The following SLC8A3 variants were observed in gnomAD, a reference collection of about 807,000 sequenced individuals.
SLC8A3 encodes sodium/calcium exchanger 3.
In SLC8A3, 37 loss-of-function variants were observed where a neutral mutation model predicts 65.4. That is an observed-to-expected ratio of 0.57 (90% confidence interval 0.44 to 0.74). SLC8A3 has a LOEUF of 0.74. Among genes scored for constraint, SLC8A3 ranks in the 30% least tolerant of loss-of-function variants. SLC8A3 has a pLI of 0.00. For missense variants in SLC8A3, 1,112 were observed against 1,172.1 expected, an observed-to-expected ratio of 0.95 and a Z score of 0.75; for synonymous variants, 461 against 444.5, an observed-to-expected ratio of 1.04 and a Z score of -0.47.
At chr14:70,150,660 C>T (rs563288140) in intron 2 of SLC8A3, among the ~76,000 whole-genome samples, 1 of 152,264 alleles carries the variant, frequency 6.6e-6, no homozygotes, top group South Asian at 2.1e-4. Context: ...TTCAGCTGTG[C>T]CCCAGCCAGG....
At chr14:70,127,415 G>A (rs1396490957) in intron 2 of SLC8A3, among the ~76,000 whole-genome samples, 1 of 152,180 alleles carries the variant, frequency 6.6e-6, no homozygotes, top group African/African-American at 2.4e-5. Context: ...TTTATTGACG[G>A]TTTTGTAGAC....
chr14:70,135,195 A>G (rs1895107756), intron 2 of SLC8A3, among the ~76,000 whole-genome samples: 1 of 152,258 alleles, frequency 6.6e-6, no homozygotes, highest in African/African-American at 2.4e-5. Context: ...GTGATATATC[A>G]TCTTACCCCA....
chr14:70,048,366 T>C (rs1007923678), intron 6 of SLC8A3: 14 of 484,502 alleles, frequency 2.9e-5, no homozygotes, highest in African/African-American at 2.7e-4. Flanking sequence ...TCTTTTAATT[T>C]CACTGTTTGT....
intron 2 of SLC8A3, among the ~76,000 whole-genome samples, chr14:70,077,777 G>A (rs61977420): frequency 0.11 from 16,794 of 152,212 alleles, 943 homozygotes; most frequent in African/African-American, 0.14. Context: ...CTCTGCCCTC[G>A]CTTCAGTGAA....
chr14:70,179,954 C>T (rs190515341), intron 1 of SLC8A3, among the ~76,000 whole-genome samples: 83 of 152,296 alleles, frequency 5.4e-4, no homozygotes, highest in East Asian at 2.5e-3. Context: ...CTCCTTTCAG[C>T]AGGCTGAAGG....
intron 2 of SLC8A3, among the ~76,000 whole-genome samples, chr14:70,135,139 A>T (rs1895102189): frequency 6.6e-6 from 1 of 152,242 alleles, no homozygotes; most frequent in Non-Finnish European, 1.5e-5. Context: ...ATATAAAAAA[A>T]TGCTCAACAT....
intron 2 of SLC8A3, among the ~76,000 whole-genome samples, chr14:70,138,578 C>T (rs1274942283): frequency 6.6e-6 from 1 of 152,198 alleles, no homozygotes; most frequent in Non-Finnish European, 1.5e-5. Flanking sequence ...CTATAAGTTC[C>T]TGGAAGGTGT....
intron 2 of SLC8A3, among the ~76,000 whole-genome samples, chr14:70,152,457 C>T (rs1305916493): frequency 6.6e-6 from 1 of 151,904 alleles, no homozygotes; most frequent in Non-Finnish European, 1.5e-5. Flanking sequence ...AATCTTATAC[C>T]CTCTCCCCAC....
intron 2 of SLC8A3, among the ~76,000 whole-genome samples, chr14:70,061,435 C>T (rs1489861129): frequency 2.0e-5 from 3 of 151,852 alleles, no homozygotes; most frequent in Non-Finnish European, 4.4e-5. Context: ...GGCTTGTGTC[C>T]CTTCTTTATG....
At chr14:70,101,022 T>C (rs1477578387) in intron 2 of SLC8A3, among the ~76,000 whole-genome samples, 1 of 152,240 alleles carries the variant, frequency 6.6e-6, no homozygotes, top group Non-Finnish European at 1.5e-5. Flanking sequence ...TCATCAATGA[T>C]AAAATGAGTA....
intron 2 of SLC8A3, among the ~76,000 whole-genome samples, chr14:70,150,740 A>T (rs749503778): frequency 6.6e-6 from 1 of 152,212 alleles, no homozygotes; most frequent in African/African-American, 2.4e-5. Flanking sequence ...ACACACCTGT[A>T]GCTCAGGACA....
At chr14:70,147,850 G>A (rs965036430) in intron 2 of SLC8A3, among the ~76,000 whole-genome samples, 2 of 152,196 alleles carry the variant, frequency 1.3e-5, no homozygotes, top group East Asian at 3.8e-4. Context: ...TGTGTTGTTT[G>A]TAGTAATTAG....
At chr14:70,099,550 T>C (rs1892424462) in intron 2 of SLC8A3, among the ~76,000 whole-genome samples, 1 of 152,216 alleles carries the variant, frequency 6.6e-6, no homozygotes, top group South Asian at 2.1e-4. Flanking sequence ...TCATAGAGAA[T>C]GAAGCTAACA....
chr14:70,147,533 G>A (rs765714138), intron 2 of SLC8A3, among the ~76,000 whole-genome samples: 2 of 152,164 alleles, frequency 1.3e-5, no homozygotes, highest in African/African-American at 2.4e-5. Context: ...AAGGTATTTT[G>A]CAGATATAAT....
intron 1 of SLC8A3, 30 bp from the exon 2 acceptor site, chr14:70,168,514 C>A: frequency 1.9e-6 from 2 of 1,042,966 alleles, no homozygotes; most frequent in Admixed American, 5.1e-5. Flanking sequence ...CAGGAAAAGG[C>A]ATGAGGAAAA....
Position 70,073,310 on chromosome 14 carries a change from A to G in SLC8A3, c.1785-12371T>C, listed in dbSNP as rs1890179818. Among the ~76,000 whole-genome samples the G allele has an allele frequency of 2.0e-5, 3 of 151,782 alleles. No individual in the cohort carries two copies. The South Asian group carries it at 6.2e-4, about 32-fold the overall frequency. On this transcript the variant is annotated intron_variant, in intron 2 of 6. Transcript: ENST00000356921. ...TTCTCAAAGGGGAATTTAATCTTCA[A>G]CCTCCATATCAGTGGGTCTGTGAAG...
chr14:70,111,212 G>A (rs1893281567), intron 2 of SLC8A3, among the ~76,000 whole-genome samples: 1 of 152,162 alleles, frequency 6.6e-6, no homozygotes, highest in Non-Finnish European at 1.5e-5. Flanking sequence ...CATTTTAACT[G>A]GGGTGAAATA....
At chr14:70,118,482 C>A (rs1216677145) in intron 2 of SLC8A3, among the ~76,000 whole-genome samples, 1 of 152,156 alleles carries the variant, frequency 6.6e-6, no homozygotes, top group Non-Finnish European at 1.5e-5. Flanking sequence ...CAGCTCTGGC[C>A]ATGTTGTAAG....
intron 2 of SLC8A3, among the ~76,000 whole-genome samples, chr14:70,096,267 C>A (rs1446104115): frequency 2.0e-5 from 3 of 152,134 alleles, no homozygotes; most frequent in Non-Finnish European, 4.4e-5. Context: ...AAGAGAGTGA[C>A]AAGCATCCAC....
Sources: gnomAD v4.1 joint callset for allele counts (sites outside exome capture counted in the v4.1 genomes callset) on GRCh38, gnomAD v4.1.1 for gene constraint, MANE v1.5 for transcripts, NCBI Gene and HGNC (gene_info 2026-07-23, HGNC 2026-07-21) for gene names.